TTC28: variants seen among roughly 807,000 people sequenced by gnomAD.
TTC28 encodes tetratricopeptide repeat domain 28, also known as tetratricopeptide repeat protein 28.
TTC28 carries 61 observed loss-of-function variants against 198.0 expected under a neutral mutation model. That is an observed-to-expected ratio of 0.31 (90% CI 0.25 to 0.38). TTC28 has a LOEUF of 0.38. TTC28 is among the 10% of genes least tolerant of loss of function. TTC28 has a pLI of 1.00. For missense variants in TTC28, 2,678 were observed against 3,164.0 expected (o/e 0.85, Z 3.69); for synonymous variants, 1,171 against 1,297.8 (o/e 0.90, Z 2.10).
intron 6 of TTC28, among the ~76,000 whole-genome samples, chr22:28,131,460 G>C (rs1943058446): frequency 6.6e-6 from 1 of 152,200 alleles, no homozygotes; most frequent in Non-Finnish European, 1.5e-5. Context: ...GTAGCATGCT[G>C]GTTGTTTACC....
chr22:28,629,882 C>T, intron 1 of TTC28, 52 bp from the exon 2 acceptor site: 3 of 1,437,854 alleles, frequency 2.1e-6, no homozygotes, highest in Non-Finnish European at 2.8e-6. Flanking sequence ...CAGATGGGTT[C>T]CCCATCTGCT....
rs115315722 is a variant in TTC28 at position 28,101,987 on chromosome 22, A to G, written c.3308-707T>C. Among the ~76,000 whole-genome samples the G allele has an allele frequency of 3.0e-3, 463 of 152,224 alleles. 6 individuals are homozygous for G. Among genetic ancestry groups the G allele is most frequent in the African/African-American group, 0.011 (443 of 41,528 alleles). On this transcript the variant is annotated intron_variant, in intron 8 of 22. Transcript: ENST00000397906. Reference sequence around the variant, plus strand: ...GGAGACAGGTTTGCTGGGCAGGCAGAAACACTAAAACAAGTGAAACTTAAC... The same window carrying G: ...GGAGACAGGTTTGCTGGGCAGGCAGGAACACTAAAACAAGTGAAACTTAAC...
chr22:27,990,509 G>A (rs1205369786), intron 20 of TTC28, among the ~76,000 whole-genome samples: 1 of 152,226 alleles, frequency 6.6e-6, no homozygotes, highest in East Asian at 1.9e-4. Flanking sequence ...GGTTCACAGA[G>A]TGACACTCAC....
intron 6 of TTC28, among the ~76,000 whole-genome samples, chr22:28,123,930 C>T (rs564512832): frequency 1.3e-5 from 2 of 152,252 alleles, no homozygotes; most frequent in East Asian, 3.9e-4. Flanking sequence ...TTTCAGTGAG[C>T]TGAGATCACA....
intron 2 of TTC28, among the ~76,000 whole-genome samples, chr22:28,426,987 G>A (rs1053852129): frequency 6.6e-6 from 1 of 152,132 alleles, no homozygotes; most frequent in Non-Finnish European, 1.5e-5. Flanking sequence ...TTCACCAAGG[G>A]AACTATGCTC....
intron 1 of TTC28, among the ~76,000 whole-genome samples, chr22:28,675,735 TCACACACACACACACACACA>T (rs71316854): frequency 1.5e-5 from 2 of 135,118 alleles, no homozygotes; most frequent in Admixed American, 7.6e-5. Flanking sequence ...TGAAACCCTG[TCACACACACACACACACACA>T]CACACACACA....
chr22:28,612,429 T>C (rs2224337), intron 2 of TTC28, among the ~76,000 whole-genome samples: 28,992 of 151,964 alleles, frequency 0.19, 3,335 homozygotes, highest in Admixed American at 0.38. Context: ...AGACAGAAAA[T>C]TAACAAGCAT....
chr22:28,608,206 G>A (rs1488001135), intron 2 of TTC28, among the ~76,000 whole-genome samples: 3 of 152,134 alleles, frequency 2.0e-5, no homozygotes, highest in Non-Finnish European at 4.4e-5. Context: ...CTATGTGATC[G>A]ACTTGAAAAC....
In TTC28 at chr22:28,088,725, C is replaced by G. The variant is rs140455540; in HGVS notation, c.3932+5355G>C. Among the ~76,000 whole-genome samples the G allele has an allele frequency of 9.4e-3, 1,437 of 152,236 alleles. 24 individuals carry two copies. The highest frequency in any genetic ancestry group is 0.032 in the African/African-American group (1,337 of 41,512). On this transcript the variant is annotated intron_variant, in intron 12 of 22. Coordinates refer to ENST00000397906, the MANE Select transcript of TTC28 (RefSeq NM_001145418.2). Reference sequence around the variant, plus strand: ...GGAAACTACCATCAGAGTGAACAGCCAACCTACAAAATGGGAAAACATCTT... The same window carrying G: ...GGAAACTACCATCAGAGTGAACAGCGAACCTACAAAATGGGAAAACATCTT...
At chr22:28,601,047 T>C (rs1285420768) in intron 2 of TTC28, among the ~76,000 whole-genome samples, 1 of 152,202 alleles carries the variant, frequency 6.6e-6, no homozygotes, top group Non-Finnish European at 1.5e-5. Flanking sequence ...TTGGAAGACC[T>C]ATTAGGAAAT....
chr22:28,508,486 T>C (rs1169467015), intron 2 of TTC28, among the ~76,000 whole-genome samples: 2 of 152,048 alleles, frequency 1.3e-5, no homozygotes, highest in Admixed American at 6.6e-5. Context: ...GGTTTCACCA[T>C]GTTGGCGAGG....
intron 2 of TTC28, among the ~76,000 whole-genome samples, chr22:28,605,771 G>A (rs539629470): frequency 3.4e-4 from 52 of 152,096 alleles, no homozygotes; most frequent in Non-Finnish European, 6.5e-4. Context: ...TAAATTGCCA[G>A]AGAAAAATAA....
chr22:28,413,988 A>T (rs1372195884), intron 2 of TTC28, among the ~76,000 whole-genome samples: 1 of 152,242 alleles, frequency 6.6e-6, no homozygotes, highest in African/African-American at 2.4e-5. Flanking sequence ...ACTCAGAAAA[A>T]AATTCTCTGT....
At chr22:28,193,658 T>C (rs965669856) in intron 5 of TTC28, among the ~76,000 whole-genome samples, 2 of 152,044 alleles carry the variant, frequency 1.3e-5, no homozygotes, top group Admixed American at 6.6e-5. Context: ...TAAAACAGAC[T>C]TTAAACCAAC....
intron 12 of TTC28, among the ~76,000 whole-genome samples, chr22:28,045,899 G>A (rs764214534): frequency 1.3e-5 from 2 of 152,194 alleles, no homozygotes; most frequent in Non-Finnish European, 2.9e-5. Context: ...AGGAGGCGGA[G>A]CTGGAAGTTG....
chr22:28,318,767 T>C lies in TTC28; in HGVS notation c.382-12124A>G, dbSNP rs138502988. ...CTACACACATGTCAATGTAGAAAGA[T>C]CATATAACATGGGACGGAGAAAAAT... is the stretch of plus-strand genomic sequence containing the variant. On this transcript the variant is annotated intron_variant, in intron 2 of 22. Transcript: ENST00000397906. Among the ~76,000 whole-genome samples, 293 of 151,208 alleles carry C rather than the reference T, an allele frequency of 1.9e-3. 1 individual carries two copies. The highest frequency in any genetic ancestry group is 6.9e-3 in the Middle Eastern group (2 of 290).
intron 2 of TTC28, among the ~76,000 whole-genome samples, chr22:28,397,851 A>G (rs1295138978): frequency 6.6e-6 from 1 of 152,208 alleles, no homozygotes; most frequent in Non-Finnish European, 1.5e-5. Flanking sequence ...TATGAATTTC[A>G]CTTTGGAAAG....
At chr22:28,338,199 T>C (rs546344764) in intron 2 of TTC28, among the ~76,000 whole-genome samples, 74 of 152,326 alleles carry the variant, frequency 4.9e-4, no homozygotes, top group East Asian at 2.7e-3. Context: ...AGAGTTTCTG[T>C]CGAGAGATCA....
chr22:28,121,469 A>C (rs1942785230), intron 6 of TTC28, among the ~76,000 whole-genome samples: 1 of 152,214 alleles, frequency 6.6e-6, no homozygotes, highest in African/African-American at 2.4e-5. Flanking sequence ...ACGAGTGAGG[A>C]CACTAAGGCA....
Sources: gnomAD v4.1 joint callset for allele counts (sites outside exome capture counted in the v4.1 genomes callset) on GRCh38, gnomAD v4.1.1 for gene constraint, MANE v1.5 for transcripts, NCBI Gene and HGNC (gene_info 2026-07-23, HGNC 2026-07-21) for gene names.